The following DLC1 variants were observed in gnomAD, a reference collection of about 807,000 sequenced individuals.
The protein encoded by DLC1 is DLC1 Rho GTPase activating protein.
In DLC1, 54 loss-of-function variants were observed where a neutral mutation model predicts 140.3. The ratio of observed to expected loss-of-function variants is 0.38; its 90% CI spans 0.31 to 0.48. The LOEUF (loss-of-function observed/expected upper bound fraction) is 0.48, where lower values mean the gene tolerates loss of function less well. DLC1 is among the 20% of genes least tolerant of loss of function. DLC1 has a pLI of 0.96. For missense variants in DLC1, 2,536 were observed against 1,907.0 expected (o/e 1.33, Z -6.14); for synonymous variants, 986 against 728.1 (o/e 1.35, Z -5.70).
intron 2 of DLC1, among the ~76,000 whole-genome samples, chr8:13,440,375 T>C (rs1488262001): frequency 6.6e-6 from 1 of 152,190 alleles, no homozygotes; most frequent in Non-Finnish European, 1.5e-5. Flanking sequence ...TTTGAAAACA[T>C]GTTAACAAAC....
Position 13,090,270 on chromosome 8 carries a change from A to C in DLC1, c.4056T>G (p.Ala1352=). The change falls in exon 15 of 18, where the codon GCT becomes GCG. Residue 1352 remains alanine (A), a synonymous_variant. Coordinates refer to ENST00000276297, the MANE Select transcript of DLC1 (RefSeq NM_182643.3). ...GCCTTACCTTCTTATAGGACAGCTC[A>C]GCCTGCTCCGAAGTGGAGTAGCTGA... The part of the protein sequence containing the change: ...GWVSYSTSEQ[A]ELSYKKVSEG... 1.2e-6 allele frequency: 2 copies of C among 1,614,180 alleles called. No individual in the cohort carries two copies. Among genetic ancestry groups the C allele is most frequent in the Non-Finnish European group, 1.7e-6 (2 of 1,180,026 alleles).
chr8:13,476,627 A>G (rs7833243), intron 2 of DLC1, among the ~76,000 whole-genome samples: 3,374 of 152,222 alleles, frequency 0.022, 122 homozygotes, highest in African/African-American at 0.074. Context: ...ATAGAAAGGA[A>G]CATGTGCCAT....
intron 4 of DLC1, among the ~76,000 whole-genome samples, chr8:13,369,352 G>A (rs1458797862): frequency 2.5e-5 from 1 of 40,012 alleles, no homozygotes; most frequent in Non-Finnish European, 4.7e-5. Flanking sequence ...TTTTGGCTGG[G>A]TCGAAAAAAA....
chr8:13,553,226 ATG>A (rs68062786), intron 1 of DLC1, among the ~76,000 whole-genome samples: 14,318 of 51,724 alleles, frequency 0.28, 3,077 homozygotes, highest in Non-Finnish European at 0.32. Context: ...ATATATATAT[ATG>A]TATATATATA....
intron 2 of DLC1, among the ~76,000 whole-genome samples, chr8:13,471,141 G>A (rs1281875393): frequency 1.3e-5 from 2 of 151,554 alleles, no homozygotes; most frequent in African/African-American, 2.4e-5. Flanking sequence ...GTTGTCAGGG[G>A]TTGGGGGGAG....
chr8:13,332,430 T>TTC (rs753089179), intron 4 of DLC1, among the ~76,000 whole-genome samples: 17 of 44,268 alleles, frequency 3.8e-4, no homozygotes, highest in South Asian at 9.0e-4. Context: ...TGATTTTCTT[T>TTC]TGTCTTTTTT....
chr8:13,143,569 C>T (rs562360093), intron 5 of DLC1, among the ~76,000 whole-genome samples: 2 of 152,018 alleles, frequency 1.3e-5, no homozygotes, highest in African/African-American at 4.8e-5. Flanking sequence ...GATCCTTCCT[C>T]CTCCGCCTCC....
At chr8:13,275,101 T>A (rs1220516606) in intron 5 of DLC1, among the ~76,000 whole-genome samples, 2 of 152,254 alleles carry the variant, frequency 1.3e-5, no homozygotes, top group Non-Finnish European at 2.9e-5. Flanking sequence ...ATGGTTCGAC[T>A]TGACATTGTT....
intron 5 of DLC1, among the ~76,000 whole-genome samples, chr8:13,162,846 A>G (rs941344566): frequency 3.3e-5 from 5 of 152,140 alleles, no homozygotes; most frequent in African/African-American, 1.2e-4. Flanking sequence ...AGGCAGAAGG[A>G]TCTCTTGAGC....
intron 5 of DLC1, among the ~76,000 whole-genome samples, chr8:13,126,252 C>G (rs1821550967): frequency 6.7e-6 from 1 of 149,392 alleles, no homozygotes; most frequent in Admixed American, 6.7e-5. Context: ...AAACTGAAAT[C>G]AAAATAAACT....
chr8:13,165,795 C>G (rs908417314), intron 5 of DLC1, among the ~76,000 whole-genome samples: 1 of 152,154 alleles, frequency 6.6e-6, no homozygotes, highest in African/African-American at 2.4e-5. Context: ...GTCTTGTGGC[C>G]TTGACTAGCA....
rs556332430 is a variant in DLC1 at position 13,304,589 on chromosome 8, A to G, written c.1348+680T>C. 35 of 762,778 alleles carry G rather than the reference A, an allele frequency of 4.6e-5. No individual in the cohort carries two copies. The South Asian group carries it at 1.9e-3, about 42-fold the overall frequency. 47.3% of individuals were successfully genotyped at this position (762,778 alleles called of 1,614,324 possible). A position where few individuals can be genotyped will look rare whatever the true frequency, so the allele number is the denominator to read the frequency against. ...TAGCTCTTAAAAATCACAAATGTCT[A>G]CAAACTAAGTGATGTACTTCAAGTT... On this transcript the variant is annotated intron_variant, in intron 5 of 17. Coordinates refer to ENST00000276297, the MANE Select transcript of DLC1 (RefSeq NM_182643.3).
intron 2 of DLC1, among the ~76,000 whole-genome samples, chr8:13,461,370 A>G (rs1405196252): frequency 1.3e-5 from 2 of 152,232 alleles, no homozygotes. Context: ...CTGAACATTT[A>G]CAAACATGTA....
chr8:13,439,783 C>G (rs1279795270), intron 2 of DLC1, among the ~76,000 whole-genome samples: 1 of 152,126 alleles, frequency 6.6e-6, no homozygotes, highest in Non-Finnish European at 1.5e-5. Flanking sequence ...AGAAAACCCT[C>G]GCTGCCTATA....
At chr8:13,496,826 A>G (rs1296847278) in intron 2 of DLC1, among the ~76,000 whole-genome samples, 5 of 93,428 alleles carry the variant, frequency 5.4e-5, no homozygotes, top group Admixed American at 3.9e-4. Flanking sequence ...TTTGAGATGG[A>G]GTTTCGCTGT....
At chr8:13,104,107 C>A (rs1563605677) in intron 7 of DLC1, among the ~76,000 whole-genome samples, 1 of 151,982 alleles carries the variant, frequency 6.6e-6, no homozygotes, top group Non-Finnish European at 1.5e-5. Flanking sequence ...ATATTTAGAA[C>A]AGCTTCCTGT....
At chr8:13,326,466 A>G (rs1308784392) in intron 4 of DLC1, among the ~76,000 whole-genome samples, 1 of 152,208 alleles carries the variant, frequency 6.6e-6, no homozygotes, top group Non-Finnish European at 1.5e-5. Flanking sequence ...AATTGTGCAT[A>G]TAGTCTTGCC....
chr8:13,110,023 T>A (rs1819944695), intron 7 of DLC1, among the ~76,000 whole-genome samples: 1 of 152,206 alleles, frequency 6.6e-6, no homozygotes, highest in African/African-American at 2.4e-5. Flanking sequence ...AGAATTCAGC[T>A]TTTAGGGATT....
In DLC1 at chr8:13,088,487, C is replaced by T; in HGVS notation, c.4292G>A (p.Arg1431Lys). The part of the protein sequence containing the change: ...PHPARDYVVL[R>K]TWRTNLPKGA... ...AAAAAAACAACTGGGAAGCGCTCAC[C>T]TTAAAACAACGTAGTCTCGAGCAGG... The change falls in exon 16 of 18, where the codon AGA (arginine) becomes AAA (lysine). Residue 1431 changes from arginine (R) to lysine (K), a missense_variant and splice_region_variant. Transcript: ENST00000276297. 6.2e-7 allele frequency: 1 copy of T among 1,614,190 alleles called. No individual in the cohort carries two copies. Among genetic ancestry groups the T allele is most frequent in the Non-Finnish European group, 8.5e-7 (1 of 1,180,036 alleles).
Sources: gnomAD v4.1 joint callset for allele counts (sites outside exome capture counted in the v4.1 genomes callset) on GRCh38, gnomAD v4.1.1 for gene constraint, MANE v1.5 for transcripts, NCBI Gene and HGNC (gene_info 2026-07-23, HGNC 2026-07-21) for gene names.